The following ANLN variants were observed in gnomAD, a reference collection of about 807,000 sequenced individuals.
ANLN encodes the protein anillin.
A neutral mutation model predicts 135.1 loss-of-function variants in ANLN; 59 were observed. The observed-to-expected ratio is 0.44, with a 90% CI of 0.35 to 0.54. The LOEUF (loss-of-function observed/expected upper bound fraction) is 0.54. ANLN is among the 20% of genes least tolerant of loss of function. ANLN has a pLI of 0.00. For missense variants in ANLN, 1,182 were observed against 1,340.0 expected (o/e 0.88, Z 1.84); for synonymous variants, 406 against 456.4 (o/e 0.89, Z 1.41).
At chr7:36,424,893 G>A in intron 17 of ANLN, 151 bp downstream of exon 17, 1 of 706,014 alleles carries the variant, frequency 1.4e-6, no homozygotes, top group Non-Finnish European at 2.3e-6. Context: ...AAATAGGTAT[G>A]AATACTGAAA....
intron 3 of ANLN, among the ~76,000 whole-genome samples, chr7:36,399,704 C>T (rs1786860064): frequency 1.3e-5 from 2 of 152,146 alleles, no homozygotes; most frequent in Admixed American, 1.3e-4. Flanking sequence ...TGACCCTCAG[C>T]TCCATGTTAA....
chr7:36,449,599 C>A, intron 22 of ANLN, 66 bp from the exon 23 acceptor site: 1 of 1,208,976 alleles, frequency 8.3e-7, no homozygotes, highest in Non-Finnish European at 1.1e-6. Flanking sequence ...AACTTAAATG[C>A]TGCTTAATGC....
rs372622345 is a variant in ANLN at position 36,413,406 on chromosome 7, C to T, written c.1395+2240C>T. On this transcript the variant is annotated intron_variant, in intron 7 of 23. Coordinates refer to ENST00000265748, the MANE Select transcript of ANLN (RefSeq NM_018685.5). ...TAATCAATTTTCAGTTGATTAGTAGCATTTGACATTGTCGATCACTCTTCT... is the reference window on the plus strand; with the variant it reads ...TAATCAATTTTCAGTTGATTAGTAGTATTTGACATTGTCGATCACTCTTCT... 2.0e-5 allele frequency among the ~76,000 whole-genome samples: 3 copies of T among 152,320 alleles called. No individual in the cohort carries two copies. The South Asian group carries it at 6.2e-4, about 32-fold the overall frequency.
rs943335160 is a variant in ANLN, at chr7:36,401,346, T to C, written c.487+1953T>C. ...TGACCTGCCTGATGATTTTTTTGTT[T>C]TTGTTTTTTTGAGACAGAGTCTCAC... On this transcript the variant is annotated intron_variant, in intron 3 of 23. Transcript: ENST00000265748. 2.7e-4 allele frequency among the ~76,000 whole-genome samples: 41 copies of C among 152,238 alleles called. 1 individual carries two copies. Among genetic ancestry groups the C allele is most frequent in the Admixed American group, 2.6e-3 (40 of 15,302 alleles).
At chr7:36,406,990 C>G (rs1305019431) in intron 4 of ANLN, among the ~76,000 whole-genome samples, 1 of 152,152 alleles carries the variant, frequency 6.6e-6, no homozygotes, top group Non-Finnish European at 1.5e-5. Context: ...AATTGCCAAA[C>G]AGGGTGTGAT....
intron 14 of ANLN, 43 bp downstream of exon 14, chr7:36,422,852 C>T: frequency 3.9e-6 from 6 of 1,531,522 alleles, no homozygotes; most frequent in Non-Finnish European, 5.3e-6. Context: ...AATTATGAAC[C>T]TCACCTAGAT....
At chr7:36,393,813 G>A (rs1242575771) in intron 1 of ANLN, among the ~76,000 whole-genome samples, 2 of 152,174 alleles carry the variant, frequency 1.3e-5, no homozygotes, top group East Asian at 3.9e-4. Flanking sequence ...AAGATGAGCT[G>A]CAATTGTTTT....
At chr7:36,417,697 T>TG (rs1787701976) in intron 9 of ANLN, among the ~76,000 whole-genome samples, 1 of 143,766 alleles carries the variant, frequency 7.0e-6, no homozygotes, top group Non-Finnish European at 1.5e-5. Flanking sequence ...TTTTTTTTTT[T>TG]GAGACAGTCT....
intron 3 of ANLN, among the ~76,000 whole-genome samples, chr7:36,405,402 G>A (rs1479822168): frequency 1.3e-5 from 2 of 152,148 alleles, no homozygotes; most frequent in Non-Finnish European, 2.9e-5. Flanking sequence ...GGCTTATTTC[G>A]AGCAAGATCC....
At position 36,424,701 on chromosome 7, in the gene ANLN, C is replaced by T. The variant is rs770642251; in HGVS notation, c.2668C>T (p.Pro890Ser). Residue 890 changes from proline (P) to serine (S), a missense_variant, in exon 17 of 24, where the codon CCC becomes TCC. Physicochemically the swap from Pro to Ser is moderately conservative, Grantham distance 74. This residue lies in a region of ANLN where 1,022 missense variants were observed against 1,134.0 expected (regional missense o/e 0.90). Transcript: ENST00000265748. ...TTGTGCGTAGGTGCAAAAGAAAGAT[C>T]CCTCAGGCCTTGATAAGAAGAAAAA... Reference protein sequence around the residue: ...EVYSLVQKKDPSGLDKKKKTS... With the variant: ...EVYSLVQKKDSSGLDKKKKTS... 2.5e-6 allele frequency: 4 copies of T among 1,611,928 alleles called. No individual in the cohort carries two copies. Among genetic ancestry groups the T allele is most frequent in the Non-Finnish European group, 3.4e-6 (4 of 1,179,178 alleles).
chr7:36,428,971 G>T (rs963474602), intron 20 of ANLN, among the ~76,000 whole-genome samples: 22 of 151,946 alleles, frequency 1.4e-4, no homozygotes, highest in African/African-American at 4.8e-4. Flanking sequence ...TAGAGGCAGG[G>T]TTTCACCATA....
intron 7 of ANLN, among the ~76,000 whole-genome samples, chr7:36,412,048 C>G (rs762408725): frequency 2.0e-5 from 3 of 151,940 alleles, no homozygotes; most frequent in Non-Finnish European, 4.4e-5. Context: ...TTGCTCTATA[C>G]CTTGTCATCT....
chr7:36,397,381 G>T (rs1786751147), intron 2 of ANLN, among the ~76,000 whole-genome samples: 1 of 152,150 alleles, frequency 6.6e-6, no homozygotes, highest in African/African-American at 2.4e-5. Flanking sequence ...CTATGTATTT[G>T]AAACCAGTGT....
chr7:36,428,885 T>G (rs1289995922), intron 20 of ANLN, among the ~76,000 whole-genome samples: 6 of 151,358 alleles, frequency 4.0e-5, no homozygotes. Context: ...TTCAAGCGAT[T>G]CTCCTGCCTC....
At chr7:36,450,702 T>C (rs1562828333) in intron 23 of ANLN, among the ~76,000 whole-genome samples, 1 of 152,202 alleles carries the variant, frequency 6.6e-6, no homozygotes, top group Non-Finnish European at 1.5e-5. Flanking sequence ...GGGCCTTCTA[T>C]GCAGTGGTGG....
At chr7:36,399,780 C>A (rs1786864140) in intron 3 of ANLN, among the ~76,000 whole-genome samples, 1 of 152,052 alleles carries the variant, frequency 6.6e-6, no homozygotes, top group African/African-American at 2.4e-5. Flanking sequence ...CAATGCTGTT[C>A]AGTAGGGGAG....
intron 1 of ANLN, 152 bp downstream of exon 1, chr7:36,390,196 C>T: frequency 3.8e-6 from 5 of 1,318,064 alleles, no homozygotes; most frequent in South Asian, 2.6e-5. Context: ...GCCGCGGCTG[C>T]GGCCTGCTGT....
At chr7:36,439,861 G>A (rs1788694760) in intron 21 of ANLN, among the ~76,000 whole-genome samples, 1 of 152,162 alleles carries the variant, frequency 6.6e-6, no homozygotes, top group Admixed American at 6.5e-5. Context: ...TGTGGTTAGG[G>A]GAAATGGGGC....
chr7:36,404,159 A>G (rs768190939), intron 3 of ANLN, among the ~76,000 whole-genome samples: 1 of 151,294 alleles, frequency 6.6e-6, no homozygotes, highest in Non-Finnish European at 1.5e-5. Context: ...TAGTAGAGAC[A>G]GGGTTTCACC....
Sources: gnomAD v4.1 joint callset for allele counts (sites outside exome capture counted in the v4.1 genomes callset) on GRCh38, gnomAD v4.1.1 for gene constraint, gnomAD v4.1.1 regional missense constraint, MANE v1.5 for transcripts, NCBI Gene and HGNC (gene_info 2026-07-23, HGNC 2026-07-21) for gene names.